The following KCNQ1OT1 variants were observed in gnomAD, a reference collection of about 807,000 sequenced individuals.
KCNQ1OT1 encodes the protein KCNQ1 opposite strand/antisense transcript 1, also known as KCNQ1 antisense RNA 2 (non-protein coding).
rs543069927 is a variant in KCNQ1OT1, at chr11:2,668,471, T to C, written n.31524A>G. The C allele has an allele frequency of 5.0e-6, 2 of 398,640 alleles. No individual in the cohort carries two copies. Among genetic ancestry groups the C allele is most frequent in the East Asian group, 3.6e-5 (1 of 28,076 alleles). The allele number at this position is 398,640 out of a possible 1,614,324, so 24.7% of individuals were successfully genotyped here. On this transcript the variant is annotated non_coding_transcript_exon_variant, in exon 1 of 1. Transcript: ENST00000597346. This position sits in a 1 kb window ranked among gnomAD's most constrained non-coding sequence, Gnocchi z 4.3. ...CCTAACACTTGGCATTTTCCGTCGT[T>C]TCCTTTTCAGCCATGATGGTGAATG...
chr11:2,640,050 T>C (rs555748568), exon 1 of KCNQ1OT1: 13 of 184,684 alleles, frequency 7.0e-5, no homozygotes, highest in Admixed American at 2.5e-4. Context: ...GCTAAGACCA[T>C]TGGAAAAGCA....
At chr11:2,686,575 G>A in exon 1 of KCNQ1OT1, 1 of 398,706 alleles carries the variant, frequency 2.5e-6, no homozygotes, top group Non-Finnish European at 4.4e-6. Context: ...CAGCTGTGGT[G>A]ACTAGAATGG....
rs574155310 is a variant in KCNQ1OT1 at position 2,699,970 on chromosome 11, G to A, written n.25C>T. 204 of 398,348 alleles carry A rather than the reference G, an allele frequency of 5.1e-4. 1 individual carries two copies. Among genetic ancestry groups the A allele is most frequent in the African/African-American group, 3.8e-3 (183 of 48,738 alleles). The allele number at this position is 398,348 out of a possible 1,614,324, so 24.7% of individuals were successfully genotyped here. A position where few individuals can be genotyped will look rare whatever the true frequency, so the allele number is the denominator to read the frequency against. ...GCTGAGGAGCTCCCTGGAGGTCCGT[G>A]CTGAGGCGACGCGGCGACCGTTCTG... is the stretch of plus-strand genomic sequence containing the variant. On this transcript the variant is annotated non_coding_transcript_exon_variant, in exon 1 of 1. Transcript: ENST00000597346.
chr11:2,672,189 T>C (rs1850195624), exon 1 of KCNQ1OT1: 1 of 398,556 alleles, frequency 2.5e-6, no homozygotes, highest in Non-Finnish European at 4.4e-6. Flanking sequence ...TAGGTTCATG[T>C]CCTGATTTGT....
chr11:2,660,283 A>G, exon 1 of KCNQ1OT1: 1 of 398,424 alleles, frequency 2.5e-6, no homozygotes, highest in Non-Finnish European at 4.4e-6. Flanking sequence ...TAAATGCATT[A>G]AAACTTTTAC....
chr11:2,610,979 A>C, exon 1 of KCNQ1OT1: 1 of 398,368 alleles, frequency 2.5e-6, no homozygotes. Flanking sequence ...AAGAGTTAGT[A>C]CTATTATTGT....
rs1267330404 is a variant in KCNQ1OT1, at chr11:2,647,467, T to G, written n.52528A>C. 18 of 398,418 alleles carry G rather than the reference T, an allele frequency of 4.5e-5. No homozygotes were observed. In the East Asian group the frequency reaches 6.1e-4, roughly 13 times the overall value. 24.7% of individuals were successfully genotyped at this position (398,418 alleles called of 1,614,324 possible). On this transcript the variant is annotated non_coding_transcript_exon_variant, in exon 1 of 1. Transcript: ENST00000597346. This position sits in a 1 kb window ranked among gnomAD's most constrained non-coding sequence, Gnocchi z 4.0. ...TGGCCTGTAGTTTTCTTTTTTGCTG[T>G]TATTGTGTCCTTATCTGGTTTTGGT... is the stretch of plus-strand genomic sequence containing the variant.
chr11:2,616,664 G>A (rs145196425), exon 1 of KCNQ1OT1: 1 of 398,180 alleles, frequency 2.5e-6, no homozygotes, highest in Non-Finnish European at 4.4e-6. Context: ...TAAAGAGTGT[G>A]TAGTTTTATT....
chr11:2,652,956 G>T lies in KCNQ1OT1; in HGVS notation n.47039C>A, dbSNP rs1301450921. ...CAGCATCCTCCCTGGGACTTCTCAG[G>T]ATTCCGGAAGTCATCTTTGACTGTG... is the stretch of plus-strand genomic sequence containing the variant. On this transcript the variant is annotated non_coding_transcript_exon_variant, in exon 1 of 1. Coordinates refer to ENST00000597346, the Ensembl canonical transcript of KCNQ1OT1. The surrounding 1 kb of genome is among the most constrained non-coding windows in gnomAD (Gnocchi z 5.9). 1 of 398,672 alleles carries T rather than the reference G, an allele frequency of 2.5e-6. No individual in the cohort carries two copies. The highest frequency in any genetic ancestry group is 4.4e-5 in the Admixed American group (1 of 22,744). 24.7% of individuals were successfully genotyped at this position (398,672 alleles called of 1,614,324 possible). A position where few individuals can be genotyped will look rare whatever the true frequency, so the allele number is the denominator to read the frequency against.
chr11:2,679,861 T>TC lies in KCNQ1OT1; in HGVS notation n.20133_20134insG, dbSNP rs1850359504. On this transcript the variant is annotated non_coding_transcript_exon_variant, in exon 1 of 1. Transcript: ENST00000597346. The surrounding 1 kb of genome is among the most constrained non-coding windows in gnomAD (Gnocchi z 4.8). ...TTTTATAGGACATGCATTTTTTTCATATAAACTTAGAACTAGCACGCCTAA... is the reference window on the plus strand; with the variant it reads ...TTTTATAGGACATGCATTTTTTTCATCATAAACTTAGAACTAGCACGCCTAA... The TC allele has an allele frequency of 2.5e-6, 1 of 398,474 alleles. No individual in the cohort carries two copies. Among genetic ancestry groups the TC allele is most frequent in the South Asian group, 1.3e-4 (1 of 7,852 alleles). The allele number at this position is 398,474 out of a possible 1,614,324, so 24.7% of individuals were successfully genotyped here.
In KCNQ1OT1 at chr11:2,698,185, G is replaced by C. The variant is rs1850710881; in HGVS notation, n.1810C>G. The C allele has an allele frequency of 2.0e-5, 8 of 398,464 alleles. No homozygotes were observed. Among genetic ancestry groups the C allele is most frequent in the Admixed American group, 8.8e-5 (2 of 22,712 alleles). The allele number at this position is 398,464 out of a possible 1,614,324, so 24.7% of individuals were successfully genotyped here. A position where few individuals can be genotyped will look rare whatever the true frequency, so the allele number is the denominator to read the frequency against. ...TGGGAGCTTTTGGTCTAGCAAAAGG[G>C]GCACCACAGTAAAGAAAGAACTGGT... On this transcript the variant is annotated non_coding_transcript_exon_variant, in exon 1 of 1. Coordinates refer to ENST00000597346, the Ensembl canonical transcript of KCNQ1OT1. This position sits in a 1 kb window ranked among gnomAD's most constrained non-coding sequence, Gnocchi z 5.1.
At position 2,668,789 on chromosome 11, in the gene KCNQ1OT1, A is replaced by T; in HGVS notation, n.31206T>A. 2.5e-6 allele frequency: 1 copy of T among 398,578 alleles called. No individual in the cohort carries two copies. The highest frequency in any genetic ancestry group is 3.6e-5 in the East Asian group (1 of 28,080). 24.7% of individuals were successfully genotyped at this position (398,578 alleles called of 1,614,324 possible). On this transcript the variant is annotated non_coding_transcript_exon_variant, in exon 1 of 1. Coordinates refer to ENST00000597346, the Ensembl canonical transcript of KCNQ1OT1. This position sits in a 1 kb window ranked among gnomAD's most constrained non-coding sequence, Gnocchi z 4.3. ...CTTGATGGTGTCTTTTGATGAACAG[A>T]AGGTCTTAATTTTCATGTGGTCCAG...
chr11:2,639,373 C>T (rs11023583), exon 1 of KCNQ1OT1: 21,423 of 152,144 alleles, frequency 0.14, 1,567 homozygotes, highest in South Asian at 0.18. Context: ...ATGATGGTGA[C>T]GTATAGATGG....
rs1358216590 is a variant in KCNQ1OT1, at chr11:2,613,951, C to A, written n.86044G>T. 6 of 398,474 alleles carry A rather than the reference C, an allele frequency of 1.5e-5. No individual in the cohort carries two copies. The highest frequency in any genetic ancestry group is 2.7e-5 in the Non-Finnish European group (6 of 226,054). 24.7% of individuals were successfully genotyped at this position (398,474 alleles called of 1,614,324 possible). ...TTTGAACTTTGCTTTTCTCACCTAA[C>A]AACATCTCCTAGAAATCACTCAACA... On this transcript the variant is annotated non_coding_transcript_exon_variant, in exon 1 of 1. Coordinates refer to ENST00000597346, the Ensembl canonical transcript of KCNQ1OT1. This position sits in a 1 kb window ranked among gnomAD's most constrained non-coding sequence, Gnocchi z 4.8.
chr11:2,657,617 T>C lies in KCNQ1OT1; in HGVS notation n.42378A>G, dbSNP rs867741364. On this transcript the variant is annotated non_coding_transcript_exon_variant, in exon 1 of 1. Transcript: ENST00000597346. This position sits in a 1 kb window ranked among gnomAD's most constrained non-coding sequence, Gnocchi z 4.8. ...ACCAAAACTAAAAAATTAACATTGG[T>C]ACACTATTAAGCTAGAGTTATAAAT... is the stretch of plus-strand genomic sequence containing the variant. 5.5e-5 allele frequency: 22 copies of C among 398,500 alleles called. No individual in the cohort carries two copies. The highest frequency in any genetic ancestry group is 3.9e-4 in the African/African-American group (19 of 48,638). 24.7% of individuals were successfully genotyped at this position (398,500 alleles called of 1,614,324 possible).
At chr11:2,619,666 G>A (rs1006389922) in exon 1 of KCNQ1OT1, 9 of 396,196 alleles carry the variant, frequency 2.3e-5, no homozygotes, top group Non-Finnish European at 3.1e-5. Context: ...GTATCAAGGT[G>A]ATGCTGGCCT....
exon 1 of KCNQ1OT1, chr11:2,632,248 T>G (rs941235156): frequency 6.8e-5 from 27 of 398,426 alleles, no homozygotes; most frequent in Admixed American, 1.3e-4. Context: ...TCCTGCTACT[T>G]TGCTGAATTA....
Position 2,679,920 on chromosome 11 carries a change from G to C in KCNQ1OT1, n.20075C>G. On this transcript the variant is annotated non_coding_transcript_exon_variant, in exon 1 of 1. Transcript: ENST00000597346. This position sits in a 1 kb window ranked among gnomAD's most constrained non-coding sequence, Gnocchi z 4.8. The stretch of plus-strand genomic sequence containing the variant: ...TTATTTTTATTTTTTTTGAGGCAGA[G>C]TCTCACTTTGTCACCTAGGCGGGAA... The C allele has an allele frequency of 2.5e-6, 1 of 397,296 alleles. No homozygotes were observed. Among genetic ancestry groups the C allele is most frequent in the African/African-American group, 2.1e-5 (1 of 48,548 alleles). 24.6% of individuals were successfully genotyped at this position (397,296 alleles called of 1,614,324 possible). A position where few individuals can be genotyped will look rare whatever the true frequency, so the allele number is the denominator to read the frequency against.
exon 1 of KCNQ1OT1, chr11:2,686,368 T>C: frequency 2.5e-6 from 1 of 398,704 alleles, no homozygotes; most frequent in East Asian, 3.6e-5. Flanking sequence ...CACTTGGGCT[T>C]ATCAGCAGAG....
Sources: allele counts gnomAD v4.1 joint callset, GRCh38; gene constraint gnomAD v4.1.1; non-coding constraint Gnocchi (gnomAD v3.1); transcripts MANE v1.5; gene names NCBI Gene and HGNC (gene_info 2026-07-23, HGNC 2026-07-21).